TFB1M: variants seen among roughly 807,000 people sequenced by gnomAD.
TFB1M encodes the protein dimethyladenosine transferase 1, mitochondrial.
A neutral mutation model predicts 31.1 loss-of-function variants in TFB1M; 27 were observed. That is an observed-to-expected ratio of 0.87 (90% CI 0.64 to 1.20). TFB1M has a LOEUF of 1.20. Ranked by LOEUF, TFB1M falls within the 50% of genes most tolerant of loss-of-function variation. The probability of loss-of-function intolerance (pLI) is 0.00; values close to 1 mark genes in which losing one functional copy is unlikely to be tolerated. For synonymous variants in TFB1M, 166 were observed against 151.8 expected, an observed-to-expected ratio of 1.09 and a Z score of -0.69; for missense variants, 394 against 418.7, an observed-to-expected ratio of 0.94 and a Z score of 0.51.
At chr6:155,284,892 A>G (rs1445163029) in intron 5 of TFB1M, among the ~76,000 whole-genome samples, 1 of 152,270 alleles carries the variant, frequency 6.6e-6, no homozygotes, top group Non-Finnish European at 1.5e-5. Context: ...TAAGAGTAAC[A>G]TCATGAAGAT....
intron 5 of TFB1M, among the ~76,000 whole-genome samples, chr6:155,266,798 G>C (rs1409422956): frequency 7.6e-6 from 1 of 132,102 alleles, no homozygotes; most frequent in Non-Finnish European, 1.5e-5. Context: ...AGTGAGCTGA[G>C]ATCGTGCCAC....
the TFB1M span, chr6:155,248,211 C>G: frequency 6.2e-7 from 1 of 1,602,764 alleles, no homozygotes; most frequent in Non-Finnish European, 8.5e-7. Flanking sequence ...CGGGCGAGGG[C>G]CTGCACAGGG....
At chr6:155,305,907 A>G (rs1320922672) in intron 2 of TFB1M, among the ~76,000 whole-genome samples, 2 of 150,404 alleles carry the variant, frequency 1.3e-5, no homozygotes, top group East Asian at 3.9e-4. Flanking sequence ...CTTCAAAGAC[A>G]TTGTTAAGAA....
chr6:155,242,362 GGAT>G, the TFB1M span, among the ~76,000 whole-genome samples: 5 of 152,276 alleles, frequency 3.3e-5, no homozygotes, highest in East Asian at 9.6e-4. Flanking sequence ...TTTTTAACCT[GGAT>G]CCCCTGCATG....
At chr6:155,242,789 G>A in the TFB1M span, among the ~76,000 whole-genome samples, 1 of 152,272 alleles carries the variant, frequency 6.6e-6, no homozygotes, top group Admixed American at 6.5e-5. Context: ...AGGCTGGAGT[G>A]CAGTGGCATG....
At position 155,311,329 on chromosome 6, in the gene TFB1M, TACA is replaced by T; in HGVS notation, c.141_143del (p.Val48del). On this transcript the variant is annotated inframe_deletion, in exon 2 of 7. Transcript: ENST00000367166. Reference sequence around the variant, plus strand: ...CATTTGTCAGATTGCCAGCTTTCCTTACAATCTTATCTAGAGGAAAAAGAGTTT... The same window carrying T: ...CATTTGTCAGATTGCCAGCTTTCCTTATCTTATCTAGAGGAAAAAGAGTTT... 6.2e-7 allele frequency: 1 copy of T among 1,613,890 alleles called. No individual in the cohort carries two copies. The highest frequency in any genetic ancestry group is 1.1e-5 in the South Asian group (1 of 91,074).
In TFB1M at chr6:155,263,095, C is replaced by CTG. The variant is rs1207025757; in HGVS notation, c.667-2697_667-2696dup. Among the ~76,000 whole-genome samples, 4 of 152,322 alleles carry CTG rather than the reference C, an allele frequency of 2.6e-5. No homozygotes were observed. The East Asian group carries it at 7.7e-4, about 29-fold the overall frequency. On this transcript the variant is annotated intron_variant, in intron 5 of 6. Transcript: ENST00000367166. The stretch of plus-strand genomic sequence containing the variant: ...GCTTCTGGGACGGCCAGGACCTCTC[C>CTG]TGTACCACCCCTTCCTCTCCCTTTC...
At chr6:155,267,412 C>T (rs1784706896) in intron 5 of TFB1M, among the ~76,000 whole-genome samples, 1 of 152,232 alleles carries the variant, frequency 6.6e-6, no homozygotes, top group Non-Finnish European at 1.5e-5. Context: ...TTAGGGCCTA[C>T]ACACAGACCA....
chr6:155,241,220 G>A, the TFB1M span, among the ~76,000 whole-genome samples: 5 of 152,200 alleles, frequency 3.3e-5, no homozygotes, highest in African/African-American at 7.2e-5. Context: ...GGCAGTTGCC[G>A]AGTATCTTGA....
the TFB1M span, among the ~76,000 whole-genome samples, chr6:155,238,866 A>T: frequency 4.6e-5 from 7 of 152,190 alleles, no homozygotes; most frequent in Admixed American, 1.3e-4. Context: ...CCCTCAATTG[A>T]TGACCACTGA....
the TFB1M span, among the ~76,000 whole-genome samples, chr6:155,243,846 C>CAAAAAAAAAAAAAAAAAAAAAAAAA: frequency 1.8e-5 from 1 of 55,024 alleles, no homozygotes; most frequent in African/African-American, 8.1e-5. Context: ...GACTCCGTCT[C>CAAAAAAAAAAAAAAAAAAAAAAAAA]AAAAAAAAAA....
At chr6:155,260,179 G>T in intron 6 of TFB1M, 94 bp downstream of exon 6, 2 of 1,364,500 alleles carry the variant, frequency 1.5e-6, no homozygotes, top group Non-Finnish European at 2.1e-6. Flanking sequence ...AATACTCAGA[G>T]CTTTAAGAAT....
At chr6:155,298,342 C>A in intron 3 of TFB1M, 135 bp downstream of exon 3, 1 of 609,432 alleles carries the variant, frequency 1.6e-6, no homozygotes. Flanking sequence ...AATTATAATA[C>A]ACATTATTTA....
intron 2 of TFB1M, among the ~76,000 whole-genome samples, chr6:155,304,963 G>A (rs1777602454): frequency 1.3e-5 from 2 of 150,056 alleles, no homozygotes; most frequent in African/African-American, 2.5e-5. Flanking sequence ...GCAATTCAAT[G>A]AGGAAAAGAC....
chr6:155,287,551 A>AGTGTGTGTGTGTGTGTGTGTGTGTGT (rs150032717), intron 4 of TFB1M, among the ~76,000 whole-genome samples: 49 of 147,628 alleles, frequency 3.3e-4, no homozygotes, highest in African/African-American at 1.2e-3. Flanking sequence ...ATTTACTCTG[A>AGTGTGTGTGTGTGTGTGTGTGTGTGT]GTGTGTGTGT....
intron 5 of TFB1M, among the ~76,000 whole-genome samples, chr6:155,278,446 C>T (rs886180522): frequency 1.3e-5 from 2 of 152,230 alleles, no homozygotes; most frequent in Non-Finnish European, 2.9e-5. Flanking sequence ...TACATGATTG[C>T]ATCTCCAACT....
intron 2 of TFB1M, among the ~76,000 whole-genome samples, chr6:155,301,357 T>C (rs1189242794): frequency 6.6e-6 from 1 of 152,242 alleles, no homozygotes; most frequent in Non-Finnish European, 1.5e-5. Flanking sequence ...TTATAGACAG[T>C]ACCCTTTTAA....
At chr6:155,240,597 C>T in the TFB1M span, 11 of 1,614,128 alleles carry the variant, frequency 6.8e-6, no homozygotes, top group Middle Eastern at 1.6e-4. Context: ...ATGGAAGGAC[C>T]GCGGGAGAAT....
intron 4 of TFB1M, 64 bp from the exon 5 acceptor site, chr6:155,285,341 T>C (rs1776580754): frequency 1.3e-6 from 2 of 1,597,638 alleles, no homozygotes; most frequent in African/African-American, 2.7e-5. Context: ...TGAAAAAGAG[T>C]CAACATTCCA....
Sources: allele counts gnomAD v4.1 joint callset (sites outside exome capture counted in the v4.1 genomes callset), GRCh38; gene constraint gnomAD v4.1.1; transcripts MANE v1.5; gene names NCBI Gene and HGNC (gene_info 2026-07-23, HGNC 2026-07-21).